Variants in HMGN3 observed in about 807,000 individuals in gnomAD.
HMGN3 encodes high mobility group nucleosome-binding domain-containing protein 3.
HMGN3 carries 6 observed loss-of-function variants against 18.8 expected under a neutral mutation model. The observed-to-expected ratio is 0.32, with a 90% CI of 0.18 to 0.63. The LOEUF (loss-of-function observed/expected upper bound fraction) is 0.63, where lower values mean the gene tolerates loss of function less well. HMGN3 is among the 30% of genes least tolerant of loss of function. The pLI is 0.79. For synonymous variants in HMGN3, 40 were observed against 36.5 expected (o/e 1.10, Z -0.35); for missense variants, 107 against 114.2 (o/e 0.94, Z 0.29).
intron 1 of HMGN3, among the ~76,000 whole-genome samples, chr6:79,227,108 A>G (rs1582444278): frequency 6.6e-6 from 1 of 152,332 alleles, no homozygotes; most frequent in South Asian, 2.1e-4. Flanking sequence ...TTCAGTCACC[A>G]TTTCCAAATT....
intron 1 of HMGN3, among the ~76,000 whole-genome samples, chr6:79,217,130 C>T (rs1223265448): frequency 6.6e-6 from 1 of 152,154 alleles, no homozygotes; most frequent in Non-Finnish European, 1.5e-5. Context: ...AGCAGGTACA[C>T]TGAAAATGTG....
Position 79,202,408 on chromosome 6 carries a change from A to G in HMGN3, c.148-19T>C. ...GTTCTTTCTAACAGAGGATCAAAGC[A>G]CAGTGAAAGAGAATGTTAGACACGG... On this transcript the variant is annotated intron_variant, in intron 4 of 5. Coordinates refer to ENST00000344726, the Ensembl canonical transcript of HMGN3. The G allele has an allele frequency of 6.3e-7, 1 of 1,575,628 alleles. No homozygotes were observed. The highest frequency in any genetic ancestry group is 1.3e-5 in the African/African-American group (1 of 74,230).
chr6:79,222,094 A>C (rs1209533727), intron 1 of HMGN3, among the ~76,000 whole-genome samples: 3 of 152,198 alleles, frequency 2.0e-5, no homozygotes, highest in Admixed American at 2.0e-4. Flanking sequence ...GCAGCCCCAG[A>C]ATAAATCCAA....
chr6:79,216,210 T>C (rs1057347736), intron 1 of HMGN3, among the ~76,000 whole-genome samples: 5 of 152,178 alleles, frequency 3.3e-5, no homozygotes, highest in African/African-American at 7.2e-5. Flanking sequence ...AAACTCTTTG[T>C]AAAAATATGG....
intron 3 of HMGN3, among the ~76,000 whole-genome samples, chr6:79,204,037 C>A (rs1462824669): frequency 2.0e-5 from 3 of 152,228 alleles, no homozygotes; most frequent in African/African-American, 7.2e-5. Flanking sequence ...GAAATCACAG[C>A]ACAATCACTA....
At chr6:79,218,168 C>T (rs1777091490) in intron 1 of HMGN3, among the ~76,000 whole-genome samples, 1 of 152,194 alleles carries the variant, frequency 6.6e-6, no homozygotes, top group African/African-American at 2.4e-5. Flanking sequence ...CTGTACCAGC[C>T]CTAGGCTTTG....
At chr6:79,231,729 G>C (rs1777844233) in intron 1 of HMGN3, among the ~76,000 whole-genome samples, 1 of 152,286 alleles carries the variant, frequency 6.6e-6, no homozygotes, top group African/African-American at 2.4e-5. Flanking sequence ...TGACTTCTTT[G>C]TATATTTGAG....
rs566934071 is a variant in HMGN3, at chr6:79,210,120, A to G, written c.67-1544T>C. Among the ~76,000 whole-genome samples, 84 of 152,314 alleles carry G rather than the reference A, an allele frequency of 5.5e-4. 1 individual carries two copies. In the South Asian group the frequency reaches 0.017, roughly 31 times the overall value. On this transcript the variant is annotated intron_variant, in intron 2 of 5. Coordinates refer to ENST00000344726, the Ensembl canonical transcript of HMGN3. ...GTGCATTCTTGACAGTGCACCCATA[A>G]GTCCCTGGGAACCAGAATCCAAATC...
At chr6:79,202,189 T>C in intron 5 of HMGN3, 34 bp from the exon 6 acceptor site, 1 of 1,607,838 alleles carries the variant, frequency 6.2e-7, no homozygotes, top group South Asian at 1.1e-5. Flanking sequence ...AAAAGAGACA[T>C]TAAGAACGTG....
chr6:79,217,419 T>C (rs867475088), intron 1 of HMGN3, among the ~76,000 whole-genome samples: 4 of 152,174 alleles, frequency 2.6e-5, no homozygotes, highest in African/African-American at 9.7e-5. Context: ...CCATGAATGA[T>C]AGATGATAAT....
At chr6:79,214,314 GC>G (rs937975730) in intron 2 of HMGN3, among the ~76,000 whole-genome samples, 5 of 150,774 alleles carry the variant, frequency 3.3e-5, no homozygotes, top group Non-Finnish European at 7.4e-5. Context: ...CCATTCTCCT[GC>G]CTCAGCCTCC....
intron 2 of HMGN3, among the ~76,000 whole-genome samples, chr6:79,212,620 A>G (rs1213932847): frequency 6.6e-6 from 1 of 152,204 alleles, no homozygotes. Context: ...AGGGTTTGTA[A>G]CTGTTGATTG....
chr6:79,202,778 G>A (rs148082390), intron 4 of HMGN3, among the ~76,000 whole-genome samples: 112 of 152,324 alleles, frequency 7.4e-4, no homozygotes, highest in African/African-American at 2.6e-3. Flanking sequence ...GGGTGGCTCT[G>A]TGGCTGCTTT....
intron 1 of HMGN3, among the ~76,000 whole-genome samples, chr6:79,226,647 G>A (rs117773457): frequency 6.6e-5 from 10 of 152,194 alleles, no homozygotes; most frequent in Non-Finnish European, 1.2e-4. Flanking sequence ...GAAATAGCTC[G>A]ATTTTGATAT....
intron 1 of HMGN3, among the ~76,000 whole-genome samples, chr6:79,225,821 T>C (rs1777540270): frequency 6.6e-6 from 1 of 152,168 alleles, no homozygotes; most frequent in African/African-American, 2.4e-5. Context: ...ATGGTAATGC[T>C]CCTCTCTTAC....
intron 3 of HMGN3, among the ~76,000 whole-genome samples, chr6:79,205,215 T>G (rs967196642): frequency 1.3e-5 from 2 of 152,188 alleles, no homozygotes; most frequent in African/African-American, 4.8e-5. Flanking sequence ...TGCCTGGAGA[T>G]TCACAACAGC....
At chr6:79,229,777 C>A (rs1208518663) in intron 1 of HMGN3, among the ~76,000 whole-genome samples, 1 of 151,974 alleles carries the variant, frequency 6.6e-6, no homozygotes, top group East Asian at 1.9e-4. Context: ...ACTCGGGAGA[C>A]TGAGGCAGGA....
At chr6:79,202,031 A>G in intron 5 of HMGN3, 32 bp downstream of exon 6, 3 of 1,528,974 alleles carry the variant, frequency 2.0e-6, no homozygotes, top group Non-Finnish European at 2.6e-6. Flanking sequence ...TAGTCACTGC[A>G]AACATGCAGA....
At chr6:79,217,067 T>C (rs150229689) in intron 1 of HMGN3, among the ~76,000 whole-genome samples, 2 of 152,292 alleles carry the variant, frequency 1.3e-5, no homozygotes, top group Admixed American at 1.3e-4. Context: ...AATGTTTGTA[T>C]GGGATGCAAA....
Sources: gnomAD v4.1 joint callset for allele counts (sites outside exome capture counted in the v4.1 genomes callset) on GRCh38, gnomAD v4.1.1 for gene constraint, MANE v1.5 for transcripts, NCBI Gene and HGNC (gene_info 2026-07-23, HGNC 2026-07-21) for gene names.